The following ERC2 variants were observed in gnomAD, a reference collection of about 807,000 sequenced individuals.
ERC2 encodes the protein ELKS/RAB6-interacting/CAST family member 2.
A neutral mutation model predicts 114.8 loss-of-function variants in ERC2; 42 were observed. That is an observed-to-expected ratio of 0.37 (90% CI 0.29 to 0.47). The LOEUF (loss-of-function observed/expected upper bound fraction) is 0.47, where lower values mean the gene tolerates loss of function less well. ERC2 is among the 20% of genes least tolerant of loss of function. ERC2 has a pLI of 0.99. For synonymous variants in ERC2, 454 were observed against 425.5 expected (o/e 1.07, Z -0.82); for missense variants, 939 against 1,150.7 (o/e 0.82, Z 2.66).
intron 2 of ERC2, among the ~76,000 whole-genome samples, chr3:56,414,661 G>T (rs2061076327): frequency 6.6e-6 from 1 of 151,214 alleles, no homozygotes; most frequent in South Asian, 2.1e-4. Context: ...GGTGGCGGAG[G>T]TTGCAGTGAG....
intron 2 of ERC2, among the ~76,000 whole-genome samples, chr3:56,417,314 C>T (rs1240927583): frequency 6.6e-6 from 1 of 152,090 alleles, no homozygotes; most frequent in Non-Finnish European, 1.5e-5. Context: ...TTATCGTTTC[C>T]ATCTCATGCC....
intron 12 of ERC2, among the ~76,000 whole-genome samples, chr3:55,952,204 A>C (rs376137161): frequency 0.11 from 13,072 of 123,704 alleles, 1,385 homozygotes; most frequent in Non-Finnish European, 0.14. Context: ...CTCTCTATAT[A>C]TATATATATA....
intron 13 of ERC2, among the ~76,000 whole-genome samples, chr3:55,905,699 G>T (rs1272857825): frequency 1.3e-5 from 2 of 152,120 alleles, no homozygotes; most frequent in Non-Finnish European, 2.9e-5. Context: ...GCTGACAAGG[G>T]CCCTGTATTG....
At chr3:56,167,100 C>T (rs1460315613) in intron 4 of ERC2, among the ~76,000 whole-genome samples, 1 of 152,110 alleles carries the variant, frequency 6.6e-6, no homozygotes, top group Non-Finnish European at 1.5e-5. Context: ...CAAAATCATG[C>T]CAGTTTTCCA....
chr3:55,645,444 G>A (rs1389130126), intron 17 of ERC2, among the ~76,000 whole-genome samples: 1 of 152,158 alleles, frequency 6.6e-6, no homozygotes, highest in Non-Finnish European at 1.5e-5. Flanking sequence ...CTGTCATCAT[G>A]CTTATTGGCT....
At chr3:55,578,777 C>T (rs1250913185) in intron 17 of ERC2, among the ~76,000 whole-genome samples, 8 of 152,152 alleles carry the variant, frequency 5.3e-5, no homozygotes, top group Non-Finnish European at 7.4e-5. Context: ...CTGTGCTGAT[C>T]TTGGCAGGGC....
intron 13 of ERC2, among the ~76,000 whole-genome samples, chr3:55,906,120 C>T (rs2064420644): frequency 6.6e-6 from 1 of 152,136 alleles, no homozygotes; most frequent in Non-Finnish European, 1.5e-5. Flanking sequence ...TAAGTACTCA[C>T]CTGACTCATA....
At chr3:55,780,139 C>T (rs2068923189) in intron 14 of ERC2, among the ~76,000 whole-genome samples, 1 of 152,146 alleles carries the variant, frequency 6.6e-6, no homozygotes, top group African/African-American at 2.4e-5. Context: ...AGGATGCTCA[C>T]TATAACCACT....
At chr3:55,837,359 G>A (rs994371568) in intron 14 of ERC2, among the ~76,000 whole-genome samples, 1 of 152,090 alleles carries the variant, frequency 6.6e-6, no homozygotes, top group African/African-American at 2.4e-5. Context: ...CAACCCAAAT[G>A]TCCAACAATG....
At chr3:56,371,540 T>C (rs1270361048) in intron 2 of ERC2, among the ~76,000 whole-genome samples, 1 of 152,244 alleles carries the variant, frequency 6.6e-6, no homozygotes, top group Non-Finnish European at 1.5e-5. Flanking sequence ...AATCTTCATG[T>C]ATTTCCACAC....
intron 3 of ERC2, among the ~76,000 whole-genome samples, chr3:56,211,846 TG>T (rs1463473259): frequency 1.3e-5 from 2 of 152,040 alleles, no homozygotes; most frequent in African/African-American, 4.8e-5. Context: ...AAACACAAAG[TG>T]GGGAAAGAAC....
chr3:56,281,245 G>A (rs961961891), intron 3 of ERC2, among the ~76,000 whole-genome samples: 47 of 151,410 alleles, frequency 3.1e-4, no homozygotes, highest in African/African-American at 1.0e-3. Context: ...AGACCATCCC[G>A]GCTAAAACGG....
intron 17 of ERC2, among the ~76,000 whole-genome samples, chr3:55,540,364 T>C (rs1452470680): frequency 6.6e-6 from 1 of 152,186 alleles, no homozygotes; most frequent in Non-Finnish European, 1.5e-5. Context: ...ACTCTTCTAC[T>C]TTGGGCAACA....
intron 1 of ERC2, among the ~76,000 whole-genome samples, chr3:56,442,778 A>G (rs1001716836): frequency 2.0e-5 from 3 of 152,214 alleles, no homozygotes; most frequent in Admixed American, 1.3e-4. Context: ...TTCACTGAAC[A>G]CTTGAATTTA....
At chr3:55,863,633 G>C (rs1182074300) in intron 14 of ERC2, among the ~76,000 whole-genome samples, 1 of 152,032 alleles carries the variant, frequency 6.6e-6, no homozygotes, top group Non-Finnish European at 1.5e-5. Context: ...AAAGAACTTT[G>C]AAAACCTTCT....
At chr3:56,424,266 T>TA (rs2061488198) in intron 2 of ERC2, among the ~76,000 whole-genome samples, 1 of 151,836 alleles carries the variant, frequency 6.6e-6, no homozygotes, top group East Asian at 1.9e-4. Flanking sequence ...TTCATTGAAA[T>TA]ACCCTGATTT....
At chr3:56,121,582 C>A (rs531348076) in intron 6 of ERC2, among the ~76,000 whole-genome samples, 1 of 152,140 alleles carries the variant, frequency 6.6e-6, no homozygotes, top group Non-Finnish European at 1.5e-5. Context: ...AAAGTCCAGG[C>A]ATTCTGTGCA....
chr3:55,516,479 G>A (rs2052515399), intron 17 of ERC2, among the ~76,000 whole-genome samples: 2 of 151,696 alleles, frequency 1.3e-5, no homozygotes, highest in East Asian at 1.9e-4. Context: ...TACCTTGAGA[G>A]TGGACTCCTA....
intron 12 of ERC2, among the ~76,000 whole-genome samples, chr3:55,967,502 G>A (rs1307473634): frequency 2.0e-5 from 3 of 152,014 alleles, no homozygotes; most frequent in Non-Finnish European, 4.4e-5. Flanking sequence ...ATTTCTTGTT[G>A]TACCTTATAA....
Sources: allele counts gnomAD v4.1 joint callset (sites outside exome capture counted in the v4.1 genomes callset), GRCh38; gene constraint gnomAD v4.1.1; transcripts MANE v1.5; gene names NCBI Gene and HGNC (gene_info 2026-07-23, HGNC 2026-07-21).